Variants in ARAP1 observed in about 807,000 individuals in gnomAD.
ARAP1 encodes the protein ArfGAP with RhoGAP domain, ankyrin repeat and PH domain 1.
In ARAP1, 76 loss-of-function variants were observed where a neutral mutation model predicts 172.2. That is an observed-to-expected ratio of 0.44 (90% confidence interval 0.37 to 0.53). The LOEUF is 0.53. ARAP1 is among the 20% of genes least tolerant of loss of function. The pLI, the probability that ARAP1 is intolerant of heterozygous loss-of-function variation, is 0.00. For synonymous variants in ARAP1, 804 were observed against 803.3 expected, an observed-to-expected ratio of 1.00 and a Z score of -0.01; for missense variants, 1,686 against 1,977.5, an observed-to-expected ratio of 0.85 and a Z score of 2.80.
intron 5 of ARAP1, 190 bp downstream of exon 5, chr11:72,712,986 A>AC (rs1354425395): frequency 1.5e-6 from 1 of 652,450 alleles, no homozygotes; most frequent in African/African-American, 1.8e-5. Flanking sequence ...CAGAGCCCCG[A>AC]CCCCTGGCCC....
chr11:72,685,816 T>C, intron 34 of ARAP1, 135 bp from the exon 35 acceptor site: 1 of 1,387,004 alleles, frequency 7.2e-7, no homozygotes, highest in Non-Finnish European at 1.0e-6. Flanking sequence ...GGCTCCCAGC[T>C]CCCAGGGCCA....
At chr11:72,744,934 C>T (rs1200308605) in intron 1 of ARAP1, among the ~76,000 whole-genome samples, 1 of 152,174 alleles carries the variant, frequency 6.6e-6, no homozygotes, top group Admixed American at 6.5e-5. Flanking sequence ...GAGAAAGAGA[C>T]AGAAGGAAGA....
chr11:72,705,478 G>A (rs774236304), intron 13 of ARAP1: 1 of 277,838 alleles, frequency 3.6e-6, no homozygotes, highest in Non-Finnish European at 6.8e-6. Context: ...TAGATCAGAA[G>A]TTAGCAAATT....
chr11:72,727,510 T>C (rs1857730298), intron 2 of ARAP1, among the ~76,000 whole-genome samples: 2 of 152,282 alleles, frequency 1.3e-5, no homozygotes, highest in South Asian at 4.2e-4. Flanking sequence ...AGTGGCATGA[T>C]TGGTGCTGTG....
At chr11:72,733,899 C>A (rs1459893108) in intron 1 of ARAP1, among the ~76,000 whole-genome samples, 1 of 152,230 alleles carries the variant, frequency 6.6e-6, no homozygotes. Context: ...TCTTGGCTCA[C>A]TGCAGCCTCC....
chr11:72,750,570 T>C (rs1025618109), intron 1 of ARAP1, among the ~76,000 whole-genome samples: 3 of 152,112 alleles, frequency 2.0e-5, no homozygotes, highest in Admixed American at 2.0e-4. Context: ...AGACAGGACT[T>C]AGCAGATAGG....
chr11:72,687,021 T>C (rs1855720249), intron 33 of ARAP1, among the ~76,000 whole-genome samples: 1 of 152,356 alleles, frequency 6.6e-6, no homozygotes, highest in Admixed American at 6.5e-5. Flanking sequence ...TTCTCTTGCA[T>C]ATCTCTGGAC....
chr11:72,747,426 C>T (rs952177835), intron 1 of ARAP1, among the ~76,000 whole-genome samples: 2 of 152,136 alleles, frequency 1.3e-5, no homozygotes, highest in African/African-American at 4.8e-5. Flanking sequence ...TGTAGCAAAG[C>T]CCCAGCATCC....
At chr11:72,721,432 A>G (rs1050509751) in intron 3 of ARAP1, among the ~76,000 whole-genome samples, 2 of 152,152 alleles carry the variant, frequency 1.3e-5, no homozygotes, top group African/African-American at 2.4e-5. Flanking sequence ...AGCCTCCCCA[A>G]CGAATCCCCA....
intron 11 of ARAP1, among the ~76,000 whole-genome samples, chr11:72,708,985 C>T (rs181022583): frequency 3.2e-4 from 47 of 148,864 alleles, no homozygotes; most frequent in Admixed American, 7.4e-4. Flanking sequence ...TGCAGTGAGC[C>T]GAGATCGTGC....
In ARAP1 at chr11:72,709,943, C is replaced by T. The variant is rs1452873182; in HGVS notation, c.1450G>A (p.Asp484Asn). ...TCCTTCACGTTGCCCACGCTCATGTCGATGAAGGTGATGCCAATGCCCAGG... is the reference window on the plus strand; with the variant it reads ...TCCTTCACGTTGCCCACGCTCATGTTGATGAAGGTGATGCCAATGCCCAGG... Reference protein sequence around the residue: ...YHLGIGITFIDMSVGNVKEVD... With the variant: ...YHLGIGITFINMSVGNVKEVD... The change falls in exon 11 of 35, where the codon GAC becomes AAC. Residue 484 changes from aspartate (D) to asparagine (N), a missense_variant. Asp to Asn is a conservative substitution (Grantham distance 23). Coordinates refer to ENST00000393609, the MANE Select transcript of ARAP1 (RefSeq NM_001040118.3). 18 of 1,613,736 alleles carry T rather than the reference C, an allele frequency of 1.1e-5. No homozygotes were observed. Among genetic ancestry groups the T allele is most frequent in the Admixed American group, 5.0e-5 (3 of 59,966 alleles).
Position 72,709,882 on chromosome 11 carries a change from T to C in ARAP1, c.1511A>G (p.Tyr504Cys). The C allele has an allele frequency of 6.2e-7, 1 of 1,614,032 alleles. No individual in the cohort carries two copies. Reference protein sequence around the residue: ...DRRSFDLTTPYRIFSFSADSE... With the variant: ...DRRSFDLTTPCRIFSFSADSE... Reference sequence around the variant, plus strand: ...GATGGAGGGTCACCTGAAGATGCGGTAGGGCGTGGTGAGGTCGAAGCTGCG... The same window carrying C: ...GATGGAGGGTCACCTGAAGATGCGGCAGGGCGTGGTGAGGTCGAAGCTGCG... The change falls in exon 11 of 35, where the codon TAC (tyrosine) becomes TGC (cysteine). Residue 504 changes from tyrosine (Y) to cysteine (C), a missense_variant. Transcript: ENST00000393609.
At chr11:72,717,994 G>A (rs532059702) in intron 3 of ARAP1, among the ~76,000 whole-genome samples, 6 of 152,112 alleles carry the variant, frequency 3.9e-5, no homozygotes, top group Non-Finnish European at 7.4e-5. Flanking sequence ...CCCTGCCCAC[G>A]GCAAGAAGGG....
chr11:72,685,861 G>T (rs1422767990), intron 34 of ARAP1, 180 bp from the exon 35 acceptor site: 9 of 1,360,818 alleles, frequency 6.6e-6, no homozygotes, highest in Admixed American at 1.9e-5. Flanking sequence ...GGGCCAGGCA[G>T]AAGGGGCTCC....
Position 72,685,089 on chromosome 11 carries a change from T to A in ARAP1, c.*575A>T, listed in dbSNP as rs1182569140. ...CACCATAGGGTAAAATATACAGATA[T>A]ATTTATATTATCAAAAAGTCCCCAA... On this transcript the variant is annotated 3_prime_UTR_variant, in exon 35 of 35. Transcript: ENST00000393609. 6.5e-6 allele frequency: 1 copy of A among 154,500 alleles called. No individual in the cohort carries two copies. Among genetic ancestry groups the A allele is most frequent in the Non-Finnish European group, 1.4e-5 (1 of 69,632 alleles). 9.6% of individuals were successfully genotyped at this position (154,500 alleles called of 1,614,324 possible).
chr11:72,693,800 G>A lies in ARAP1; in HGVS notation c.3700C>T (p.Pro1234Ser). ...AGCACCTTCTCCGCAAAGTGCAGGG[G>A]GCGCTCTGGGGAGAGGTCACACCTA... ...EVNEREEAERPLHFAEKVLPI... is the reference protein window; with the variant it reads ...EVNEREEAERSLHFAEKVLPI... Residue 1234 changes from proline to serine, a missense_variant, in exon 28 of 35, where the codon CCC (proline) becomes TCC (serine). Physicochemically the swap from Pro to Ser is moderately conservative, Grantham distance 74. Transcript: ENST00000393609. This position sits in a 1 kb window ranked among gnomAD's most constrained non-coding sequence, Gnocchi z 4.6. 1 of 1,598,122 alleles carries A rather than the reference G, an allele frequency of 6.3e-7. No homozygotes were observed. The highest frequency in any genetic ancestry group is 8.5e-7 in the Non-Finnish European group (1 of 1,173,080).
At chr11:72,704,445 C>G (rs1366191298) in intron 13 of ARAP1, 111 bp from the exon 14 acceptor site, 5 of 1,230,244 alleles carry the variant, frequency 4.1e-6, no homozygotes, top group Non-Finnish European at 5.5e-6. Flanking sequence ...GCCAGGCCAT[C>G]TGCCCACTTT....
Position 72,699,152 on chromosome 11 carries a change from G to C in ARAP1, c.2439-45C>G. 1 of 1,597,164 alleles carries C rather than the reference G, an allele frequency of 6.3e-7. No homozygotes were observed. On this transcript the variant is annotated intron_variant, in intron 17 of 34. Transcript: ENST00000393609. The surrounding 1 kb of genome is among the most constrained non-coding windows in gnomAD (Gnocchi z 4.2). ...GACTCAGGCCCACCTCATCCAGCAC[G>C]GGCCCACCCCCAACCCGCACCATCA...
rs201502644 is a variant in ARAP1 at position 72,699,477 on chromosome 11, T to C, written c.2378A>G (p.Asn793Ser). ...AATCTCGCTGGCCCGAATCTCTCCA[T>C]TGGGGGTCACTGCCCGCTCATTCTC... ...YFENERAVTPNGEIRASEIVC... is the reference protein window; with the variant it reads ...YFENERAVTPSGEIRASEIVC... Residue 793 changes from asparagine to serine, a missense_variant, in exon 17 of 35, where the codon AAT becomes AGT. Asn to Ser is a conservative substitution (Grantham distance 46). Around this residue, in one of 5 missense-constraint regions of ARAP1, gnomAD observed 688 missense variants for 856.9 expected, o/e 0.80. Transcript: ENST00000393609. The surrounding 1 kb of genome is among the most constrained non-coding windows in gnomAD (Gnocchi z 4.2). 8.6e-5 allele frequency: 138 copies of C among 1,613,914 alleles called. No individual in the cohort carries two copies. Among genetic ancestry groups the C allele is most frequent in the East Asian group, 7.4e-4 (33 of 44,896 alleles).
Sources: allele counts gnomAD v4.1 joint callset (sites outside exome capture counted in the v4.1 genomes callset), GRCh38; gene constraint gnomAD v4.1.1; regional missense constraint gnomAD v4.1.1; non-coding constraint Gnocchi (gnomAD v3.1); transcripts MANE v1.5; gene names NCBI Gene and HGNC (gene_info 2026-07-23, HGNC 2026-07-21).